Variants in POLR1D observed in about 807,000 individuals in gnomAD.
The protein encoded by POLR1D is DNA-directed RNA polymerases I and III subunit RPAC2.
In POLR1D, 8 loss-of-function variants were observed where a neutral mutation model predicts 10.8. The ratio of observed to expected loss-of-function variants is 0.74; its 90% confidence interval spans 0.43 to 1.33. The LOEUF (loss-of-function observed/expected upper bound fraction) is 1.33. Ranked by LOEUF, POLR1D falls within the 40% of genes most tolerant of loss-of-function variation. The pLI is 0.01. For missense variants in POLR1D, 152 were observed against 161.7 expected (o/e 0.94, Z 0.32); for synonymous variants, 54 against 57.2 (o/e 0.94, Z 0.25).
At chr13:27,650,388 A>T in intron 2 of POLR1D, 1 of 233,646 alleles carries the variant, frequency 4.3e-6, no homozygotes. Flanking sequence ...GGATGGATGG[A>T]TGGATGGATG....
chr13:27,649,758 A>T (rs1250247326), intron 2 of POLR1D, among the ~76,000 whole-genome samples: 1 of 152,140 alleles, frequency 6.6e-6, no homozygotes, highest in African/African-American at 2.4e-5. Context: ...ATGACCACCC[A>T]CCCAGTAGCA....
At chr13:27,661,685 C>T (rs904089613) in intron 2 of POLR1D, among the ~76,000 whole-genome samples, 1 of 152,104 alleles carries the variant, frequency 6.6e-6, no homozygotes. Context: ...TGTGGAAGAT[C>T]GGGGGAGGCG....
exon 2 of POLR1D, chr13:27,623,446 T>TAAACCAGTC: frequency 1.6e-6 from 2 of 1,243,810 alleles, no homozygotes; most frequent in Non-Finnish European, 1.1e-6. Context: ...CTCTTTTATT[T>TAAACCAGTC]AAACTAGTTT....
At chr13:27,660,761 C>G (rs983652874) in intron 2 of POLR1D, 12 of 152,448 alleles carry the variant, frequency 7.9e-5, no homozygotes, top group African/African-American at 2.6e-4. Flanking sequence ...CTGCTCCACT[C>G]TCTCTGCCCC....
At chr13:27,645,982 A>C (rs567258667) in intron 1 of POLR1D, among the ~76,000 whole-genome samples, 1 of 152,310 alleles carries the variant, frequency 6.6e-6, no homozygotes, top group South Asian at 2.1e-4. Context: ...ATCTTTACTG[A>C]GTATCTTCTG....
upstream of POLR1D, chr13:27,621,865 C>G: frequency 6.5e-6 from 7 of 1,073,038 alleles, no homozygotes; most frequent in Non-Finnish European, 9.8e-6. Flanking sequence ...TCCCTCCTTC[C>G]GTCCTCCGCG....
chr13:27,650,280 T>A, intron 2 of POLR1D: 1 of 382,770 alleles, frequency 2.6e-6, no homozygotes, highest in Non-Finnish European at 4.6e-6. Flanking sequence ...AGCATCAGTG[T>A]GTGATAATAG....
Position 27,648,001 on chromosome 13 carries a change from G to A in POLR1D, c.27-378G>A, listed in dbSNP as rs549866458. ...ATGGGCAGAAACATTTATCCTTGTT[G>A]AGTTCACTGGTATTTCTTTGAATAA... On this transcript the variant is annotated intron_variant, in intron 1 of 2. Transcript: ENST00000399697. 8 of 199,418 alleles carry A rather than the reference G, an allele frequency of 4.0e-5. No individual in the cohort carries two copies. In the East Asian group the frequency reaches 8.2e-4, roughly 20 times the overall value. The allele number at this position is 199,418 out of a possible 1,614,324, so 12.4% of individuals were successfully genotyped here.
rs75314566 is a variant in POLR1D, at chr13:27,665,938, G to T, written c.354G>T (p.Arg118=). 78,587 of 1,614,058 alleles carry T rather than the reference G, an allele frequency of 0.049. 2,259 individuals are homozygous for T. Among genetic ancestry groups the T allele is most frequent in the Non-Finnish European group, 0.06 (70,290 of 1,179,940 alleles). The change falls in exon 3 of 3, where the codon CGG becomes CGT. Residue 118 remains arginine (R), a synonymous_variant. Transcript: ENST00000399697. ...GCAGCCAGGACAAGTACGAAAAGCG[G>T]TCCAACCGGCGGTGAGGCTGGAACC...
rs147645539 is a variant in POLR1D, at chr13:27,634,866, G to A, written c.26+12857G>A. ...AATTTTTGTATTTTTTGTAGAGATG[G>A]GGTTTTGCATGTTGCCCAGCCTGGT... On this transcript the variant is annotated intron_variant, in intron 1 of 2. Transcript: ENST00000399697. Among the ~76,000 whole-genome samples, 360 of 152,010 alleles carry A rather than the reference G, an allele frequency of 2.4e-3. 2 individuals carry two copies. Among genetic ancestry groups the A allele is most frequent in the African/African-American group, 8.3e-3 (342 of 41,436 alleles).
exon 3 of POLR1D, chr13:27,667,072 T>C (rs1956425257): frequency 6.6e-6 from 1 of 152,196 alleles, no homozygotes; most frequent in Admixed American, 6.5e-5. Flanking sequence ...AAGTTAGCAT[T>C]GGAGTGTTAG....
At chr13:27,632,257 A>G (rs1465065555) in intron 1 of POLR1D, among the ~76,000 whole-genome samples, 1 of 152,194 alleles carries the variant, frequency 6.6e-6, no homozygotes, top group Non-Finnish European at 1.5e-5. Flanking sequence ...TTGGGATCTT[A>G]TCCCCACAGA....
intron 1 of POLR1D, chr13:27,648,260 G>T: frequency 1.5e-6 from 1 of 655,110 alleles, no homozygotes; most frequent in Admixed American, 2.4e-5. Flanking sequence ...AAAAAAATTT[G>T]CCCCAGCAAT....
intron 2 of POLR1D, chr13:27,665,445 C>T: frequency 1.9e-6 from 1 of 532,270 alleles, no homozygotes; most frequent in Non-Finnish European, 3.4e-6. Context: ...GAAATTTAGT[C>T]CCAGGAAGGA....
chr13:27,661,910 T>C (rs1258672176), intron 2 of POLR1D, among the ~76,000 whole-genome samples: 1 of 152,178 alleles, frequency 6.6e-6, no homozygotes. Context: ...TCAAAGGTAG[T>C]ATGTAGTAGC....
chr13:27,665,818 G>A lies in POLR1D; in HGVS notation c.234G>A (p.Gln78=), dbSNP rs1268114296. ...AGGAACCAGCGAAGAGCCAGGCCCA[G>A]AAAGAAGAAAACCCGAAGAAACACA... is the stretch of plus-strand genomic sequence containing the variant. The change falls in exon 3 of 3, where the codon CAG becomes CAA. Residue 78 remains glutamine (Q), a synonymous_variant. Coordinates refer to the POLR1D transcript ENST00000399697. 2.5e-6 allele frequency: 4 copies of A among 1,614,244 alleles called. No homozygotes were observed. In the Admixed American group the frequency reaches 6.7e-5, roughly 27 times the overall value.
chr13:27,649,501 G>A (rs1313627479), intron 2 of POLR1D, among the ~76,000 whole-genome samples: 2 of 152,020 alleles, frequency 1.3e-5, no homozygotes, highest in Non-Finnish European at 2.9e-5. Context: ...AATAATATTG[G>A]TATTGCTATT....
downstream of POLR1D, among the ~76,000 whole-genome samples, chr13:27,624,265 A>C (rs113472095): frequency 1.3e-5 from 2 of 152,130 alleles, no homozygotes; most frequent in Non-Finnish European, 2.9e-5. Flanking sequence ...CTTGGCATTT[A>C]CTATGCTATT....
At position 27,659,925 on chromosome 13, in the gene POLR1D, T is replaced by TATATATATATATATATATAC. The variant is rs528297415; in HGVS notation, c.102-5760_102-5759insTATATATATATATATATACA. Among the ~76,000 whole-genome samples, 555 of 149,304 alleles carry TATATATATATATATATATAC rather than the reference T, an allele frequency of 3.7e-3. 3 individuals carry two copies. The highest frequency in any genetic ancestry group is 0.013 in the African/African-American group (507 of 39,712). On this transcript the variant is annotated intron_variant, in intron 2 of 2. Coordinates refer to the POLR1D transcript ENST00000399697. Reference sequence around the variant, plus strand: ...TCAGGTGTATATATATATATATATATACACACACATACACACACACACATA... The same window carrying TATATATATATATATATATAC: ...TCAGGTGTATATATATATATATATATATATATATATATATATATACACACACACATACACACACACACATA...
Sources: allele counts gnomAD v4.1 joint callset (sites outside exome capture counted in the v4.1 genomes callset), GRCh38; gene constraint gnomAD v4.1.1; transcripts MANE v1.5; gene names NCBI Gene and HGNC (gene_info 2026-07-23, HGNC 2026-07-21).